The following EYS variants were observed in gnomAD, a reference collection of about 807,000 sequenced individuals.
EYS encodes EGF-like photoreceptor maintenance factor.
EYS carries 250 observed loss-of-function variants against 282.1 expected under a neutral mutation model. The observed-to-expected ratio is 0.89, with a 90% CI of 0.80 to 0.98. The LOEUF (loss-of-function observed/expected upper bound fraction) is 0.98, where lower values mean the gene tolerates loss of function less well. Among genes scored for constraint, EYS ranks in the 50% least tolerant of loss-of-function variants. The pLI is 0.00. For missense variants in EYS, 4,016 were observed against 3,709.0 expected, an observed-to-expected ratio of 1.08 and a Z score of -2.15; for synonymous variants, 1,355 against 1,282.9, an observed-to-expected ratio of 1.06 and a Z score of -1.20.
intron 29 of EYS, among the ~76,000 whole-genome samples, chr6:64,384,797 A>C (rs1043025471): frequency 1.5e-4 from 23 of 152,300 alleles, no homozygotes; most frequent in Non-Finnish European, 2.2e-4. Flanking sequence ...CCCCAGGCAC[A>C]AAATTGAAAG....
chr6:64,865,891 G>A (rs1472467018), intron 19 of EYS, among the ~76,000 whole-genome samples: 3 of 152,046 alleles, frequency 2.0e-5, no homozygotes, highest in Non-Finnish European at 4.4e-5. Flanking sequence ...TGGGAATGAA[G>A]TAGAGATCAG....
chr6:64,349,737 G>T (rs1041107942), intron 29 of EYS, among the ~76,000 whole-genome samples: 1 of 151,376 alleles, frequency 6.6e-6, no homozygotes, highest in Non-Finnish European at 1.5e-5. Flanking sequence ...TCTGCAATTT[G>T]TTAATGCCCT....
chr6:65,331,400 A>G, intron 11 of EYS: 1 of 781,886 alleles, frequency 1.3e-6, no homozygotes, highest in Non-Finnish European at 1.6e-6. Context: ...AACATTTTGC[A>G]TATCTTTTGA....
At chr6:65,700,002 C>T (rs1769605919) in intron 1 of EYS, among the ~76,000 whole-genome samples, 1 of 148,654 alleles carries the variant, frequency 6.7e-6, no homozygotes, top group South Asian at 2.2e-4. Flanking sequence ...GTAGTCCCAG[C>T]TAGTCGGGAG....
intron 12 of EYS, among the ~76,000 whole-genome samples, chr6:65,290,369 A>T (rs1431328641): frequency 1.3e-5 from 2 of 151,140 alleles, no homozygotes; most frequent in African/African-American, 4.8e-5. Flanking sequence ...AAAATACAAA[A>T]GATGAAAAAA....
chr6:64,261,437 A>T (rs1211496503), intron 30 of EYS, among the ~76,000 whole-genome samples: 2 of 152,130 alleles, frequency 1.3e-5, no homozygotes, highest in Non-Finnish European at 2.9e-5. Flanking sequence ...TTTACTTTGT[A>T]TTTATTTTAC....
chr6:64,958,919 A>AC (rs1281234486), intron 14 of EYS, among the ~76,000 whole-genome samples: 1 of 152,080 alleles, frequency 6.6e-6, no homozygotes, highest in Non-Finnish European at 1.5e-5. Flanking sequence ...AATAATATAA[A>AC]CTGGCTTCAT....
At chr6:64,812,007 T>C (rs927579125) in intron 22 of EYS, among the ~76,000 whole-genome samples, 5 of 152,114 alleles carry the variant, frequency 3.3e-5, no homozygotes, top group Non-Finnish European at 7.4e-5. Context: ...TGAATCCTGA[T>C]TTTTAACACT....
At position 64,626,250 on chromosome 6, in the gene EYS, G is replaced by A. The variant is rs9445051; in HGVS notation, c.3444-5C>T. On this transcript the variant is annotated splice_region_variant and splice_polypyrimidine_tract_variant and intron_variant, in intron 22 of 42. Transcript: ENST00000503581. ...CCAGAAAATCCAGGAAGACATCTAA[G>A]GAAAAAAAATGAAAACGATATTTGT... 0.23 allele frequency: 344,729 copies of A among 1,512,526 alleles called. 41,011 individuals are homozygous for A. Among genetic ancestry groups the A allele is most frequent in the East Asian group, 0.32 (12,871 of 40,056 alleles). The allele number at this position is 1,512,526 out of a possible 1,614,324, so 93.7% of individuals were successfully genotyped here.
At chr6:64,561,919 C>CAAAAAAA (rs57111776) in intron 26 of EYS, among the ~76,000 whole-genome samples, 4 of 87,168 alleles carry the variant, frequency 4.6e-5, no homozygotes, top group African/African-American at 1.9e-4. Flanking sequence ...CACATGGAAC[C>CAAAAAAA]AAAAAAAAAA....
intron 12 of EYS, among the ~76,000 whole-genome samples, chr6:65,111,645 C>T (rs570403119): frequency 2.6e-5 from 4 of 152,032 alleles, no homozygotes; most frequent in Non-Finnish European, 4.4e-5. Context: ...GTCAGGAGTT[C>T]GAGACCAGCC....
intron 35 of EYS, among the ~76,000 whole-genome samples, chr6:63,901,778 T>C (rs1215084992): frequency 1.3e-5 from 2 of 152,244 alleles, no homozygotes. Flanking sequence ...ATTTTGGATT[T>C]TTTGAACTTT....
intron 11 of EYS, among the ~76,000 whole-genome samples, chr6:65,310,046 G>C (rs1769113147): frequency 6.6e-6 from 1 of 152,088 alleles, no homozygotes; most frequent in Non-Finnish European, 1.5e-5. Flanking sequence ...CATTGCACTG[G>C]ACTATACACA....
chr6:64,928,862 T>C (rs1768604511), intron 15 of EYS, among the ~76,000 whole-genome samples: 1 of 152,150 alleles, frequency 6.6e-6, no homozygotes, highest in Non-Finnish European at 1.5e-5. Flanking sequence ...AGCAAAATTA[T>C]CTTTGAATAT....
intron 26 of EYS, among the ~76,000 whole-genome samples, chr6:64,479,896 G>T (rs1379724225): frequency 6.6e-6 from 1 of 151,818 alleles, no homozygotes; most frequent in Non-Finnish European, 1.5e-5. Flanking sequence ...GCCTTAGAGA[G>T]TTCTGAAAAT....
At chr6:64,003,549 A>T (rs1265053648) in intron 33 of EYS, among the ~76,000 whole-genome samples, 1 of 152,236 alleles carries the variant, frequency 6.6e-6, no homozygotes, top group Non-Finnish European at 1.5e-5. Context: ...AACATCCCAT[A>T]TACCCCATAA....
intron 36 of EYS, among the ~76,000 whole-genome samples, chr6:63,860,726 T>C (rs1772511980): frequency 1.3e-5 from 2 of 152,218 alleles, no homozygotes; most frequent in African/African-American, 2.4e-5. Flanking sequence ...TCTATTTTTA[T>C]GGAGGTCCCA....
At chr6:65,089,134 G>C (rs867000736) in intron 12 of EYS, among the ~76,000 whole-genome samples, 1 of 152,208 alleles carries the variant, frequency 6.6e-6, no homozygotes, top group Non-Finnish European at 1.5e-5. Flanking sequence ...GAAGGGAAAT[G>C]TGGGATTGGA....
At chr6:65,574,716 G>T (rs904322082) in intron 2 of EYS, among the ~76,000 whole-genome samples, 1 of 152,208 alleles carries the variant, frequency 6.6e-6, no homozygotes, top group Non-Finnish European at 1.5e-5. Context: ...CATCTGGACA[G>T]AAAATCAGTA....
Sources: gnomAD v4.1 joint callset for allele counts (sites outside exome capture counted in the v4.1 genomes callset) on GRCh38, gnomAD v4.1.1 for gene constraint, MANE v1.5 for transcripts, NCBI Gene and HGNC (gene_info 2026-07-23, HGNC 2026-07-21) for gene names.